The following TDRD3 variants were observed in gnomAD, a reference collection of about 807,000 sequenced individuals.
TDRD3 encodes the protein tudor domain-containing protein 3.
Under a neutral mutation model 86.7 loss-of-function variants are expected in TDRD3, and 45 were observed. That is an observed-to-expected ratio of 0.52 (90% CI 0.41 to 0.67). The LOEUF is 0.67. Ranked by LOEUF, TDRD3 falls within the 30% of genes least tolerant of loss-of-function variation. The pLI is 0.00. For missense variants in TDRD3, 814 were observed against 889.0 expected (o/e 0.92, Z 1.07); for synonymous variants, 298 against 301.7 (o/e 0.99, Z 0.13).
chr13:60,545,779 A>G (rs2137873200), intron 12 of TDRD3, among the ~76,000 whole-genome samples: 1 of 152,236 alleles, frequency 6.6e-6, no homozygotes, highest in East Asian at 1.9e-4. Flanking sequence ...GTATTAAAGC[A>G]AATGGAAAAA....
At chr13:60,403,930 C>T (rs1643657647) in intron 1 of TDRD3, among the ~76,000 whole-genome samples, 1 of 152,202 alleles carries the variant, frequency 6.6e-6, no homozygotes, top group African/African-American at 2.4e-5. Flanking sequence ...CACTGAAATA[C>T]ATTTAGTAAA....
intron 5 of TDRD3, among the ~76,000 whole-genome samples, chr13:60,476,740 A>G (rs1482121501): frequency 1.3e-5 from 2 of 152,038 alleles, no homozygotes; most frequent in Non-Finnish European, 2.9e-5. Flanking sequence ...TCTTTGAGCA[A>G]TGTTTTGTAA....
At chr13:60,407,286 A>G (rs1314367007) in intron 1 of TDRD3, among the ~76,000 whole-genome samples, 2 of 152,214 alleles carry the variant, frequency 1.3e-5, no homozygotes, top group Non-Finnish European at 2.9e-5. Context: ...AGACACTTAA[A>G]TACTTGTGGA....
intron 1 of TDRD3, among the ~76,000 whole-genome samples, chr13:60,432,111 G>T (rs994301396): frequency 4.0e-5 from 6 of 151,862 alleles, no homozygotes; most frequent in African/African-American, 1.5e-4. Context: ...CAAAATAAAA[G>T]ACCTCTTTTT....
intron 11 of TDRD3, among the ~76,000 whole-genome samples, chr13:60,532,561 T>C (rs1017551560): frequency 4.6e-5 from 7 of 152,226 alleles, no homozygotes; most frequent in Non-Finnish European, 8.8e-5. Flanking sequence ...ATCATTAAGA[T>C]ACCATAATCT....
intron 10 of TDRD3, among the ~76,000 whole-genome samples, chr13:60,523,353 T>C (rs529804053): frequency 4.6e-5 from 7 of 152,306 alleles, no homozygotes; most frequent in Admixed American, 3.3e-4. Context: ...TAATTATTCT[T>C]GCATTTCAAA....
intron 3 of TDRD3, among the ~76,000 whole-genome samples, chr13:60,445,575 C>T (rs1245023544): frequency 6.6e-6 from 1 of 152,154 alleles, no homozygotes; most frequent in Non-Finnish European, 1.5e-5. Flanking sequence ...CTGGCTAGAA[C>T]ACAAATTGCT....
At chr13:60,571,066 C>A (rs1424772777) in intron 13 of TDRD3, among the ~76,000 whole-genome samples, 1 of 151,996 alleles carries the variant, frequency 6.6e-6, no homozygotes, top group Non-Finnish European at 1.5e-5. Context: ...ATATATGATG[C>A]AGATATTTTG....
chr13:60,431,864 C>T (rs1451124789), intron 1 of TDRD3, among the ~76,000 whole-genome samples: 1 of 151,794 alleles, frequency 6.6e-6, no homozygotes, highest in Non-Finnish European at 1.5e-5. Flanking sequence ...AAGATTAACA[C>T]TACATGCTGG....
At chr13:60,556,789 G>C (rs1220145353) in intron 12 of TDRD3, among the ~76,000 whole-genome samples, 1 of 152,192 alleles carries the variant, frequency 6.6e-6, no homozygotes, top group African/African-American at 2.4e-5. Flanking sequence ...AGATGATGGA[G>C]ATTCTGGAAA....
chr13:60,492,423 A>G (rs1045916506), intron 7 of TDRD3, among the ~76,000 whole-genome samples: 1 of 152,172 alleles, frequency 6.6e-6, no homozygotes, highest in Non-Finnish European at 1.5e-5. Flanking sequence ...TAATTCTCCA[A>G]ATATCCCAAT....
chr13:60,454,820 T>C (rs906242359), intron 3 of TDRD3, among the ~76,000 whole-genome samples: 3 of 152,130 alleles, frequency 2.0e-5, no homozygotes, highest in African/African-American at 7.2e-5. Context: ...TTTGTTTTCT[T>C]GGGTCTGATA....
chr13:60,546,705 T>C (rs1957947867), intron 12 of TDRD3, among the ~76,000 whole-genome samples: 1 of 152,162 alleles, frequency 6.6e-6, no homozygotes, highest in African/African-American at 2.4e-5. Flanking sequence ...TCTTGATTCT[T>C]AGGCAGTTTT....
intron 8 of TDRD3, among the ~76,000 whole-genome samples, chr13:60,501,871 A>C (rs1245615526): frequency 6.6e-6 from 1 of 152,232 alleles, no homozygotes; most frequent in African/African-American, 2.4e-5. Context: ...TAGCAGACTC[A>C]GTGATAGTAA....
intron 11 of TDRD3, among the ~76,000 whole-genome samples, chr13:60,531,585 TA>T (rs1001521925): frequency 2.6e-5 from 4 of 152,282 alleles, no homozygotes; most frequent in Non-Finnish European, 4.4e-5. Flanking sequence ...AAAGCCTTGG[TA>T]AGTGACTCAG....
Position 60,525,994 on chromosome 13 carries a change from T to A in TDRD3, c.1142-2373T>A, listed in dbSNP as rs527911772. On this transcript the variant is annotated intron_variant, in intron 10 of 13. Transcript: ENST00000377881. ...TTTTTGTATTTTCCTTTTAGAAGAATTGAAATCAAATTCTGCCACATCTGC... is the reference window on the plus strand; with the variant it reads ...TTTTTGTATTTTCCTTTTAGAAGAAATGAAATCAAATTCTGCCACATCTGC... 5.9e-5 allele frequency among the ~76,000 whole-genome samples: 9 copies of A among 152,326 alleles called. No homozygotes were observed. The South Asian group carries it at 1.9e-3, about 32-fold the overall frequency.
Position 60,399,845 on chromosome 13 carries a change from C to G in TDRD3, c.41+2440C>G, listed in dbSNP as rs138149269. Among the ~76,000 whole-genome samples, 162 of 152,294 alleles carry G rather than the reference C, an allele frequency of 1.1e-3. No homozygotes were observed. The East Asian group carries it at 0.03, about 28-fold the overall frequency. ...ATTTAGTGCTGAAAAGTTTACAATT[C>G]TGAAAATGTGATCTTCAGGGGGGTA... On this transcript the variant is annotated intron_variant, in intron 1 of 13. Coordinates refer to ENST00000377881, the MANE Select transcript of TDRD3 (RefSeq NM_001146070.2).
At chr13:60,491,723 G>C (rs1956591607) in intron 7 of TDRD3, among the ~76,000 whole-genome samples, 1 of 151,848 alleles carries the variant, frequency 6.6e-6, no homozygotes. Context: ...GATAAAGTAT[G>C]ACCATGCATT....
chr13:60,400,258 G>T (rs1041929907), intron 1 of TDRD3, among the ~76,000 whole-genome samples: 10 of 152,092 alleles, frequency 6.6e-5, no homozygotes, highest in African/African-American at 2.2e-4. Flanking sequence ...CTCTTCAGAG[G>T]TTCATTCTCC....
Sources: allele counts gnomAD v4.1 joint callset (sites outside exome capture counted in the v4.1 genomes callset), GRCh38; gene constraint gnomAD v4.1.1; transcripts MANE v1.5; gene names NCBI Gene and HGNC (gene_info 2026-07-23, HGNC 2026-07-21).